Variants in PPIE observed in about 807,000 individuals in gnomAD.
PPIE encodes the protein peptidylprolyl isomerase E.
Under a neutral mutation model 38.4 loss-of-function variants are expected in PPIE, and 20 were observed. The observed-to-expected ratio is 0.52, with a 90% CI of 0.37 to 0.76. The LOEUF is 0.76. PPIE is among the 30% of genes least tolerant of loss of function. The pLI, the probability that PPIE is intolerant of heterozygous loss-of-function variation, is 0.00. For synonymous variants in PPIE, 142 were observed against 135.7 expected (o/e 1.05, Z -0.32); for missense variants, 322 against 385.8 (o/e 0.83, Z 1.39).
At position 39,755,349 on chromosome 1, in the gene PPIE, G is replaced by A. The variant is rs1350810786; in HGVS notation, c.*1994G>A. The stretch of plus-strand genomic sequence containing the variant: ...TCTTGCTGAGGGATGGTGGCATTCT[G>A]CCCTACCTCTGGCTCCCATGTGCCG... On this transcript the variant is annotated 3_prime_UTR_variant, in exon 10 of 10. Transcript: ENST00000324379. 1 of 985,340 alleles carries A rather than the reference G, an allele frequency of 1.0e-6. No individual in the cohort carries two copies. The highest frequency in any genetic ancestry group is 1.2e-6 in the Non-Finnish European group (1 of 829,934). 61.0% of individuals were successfully genotyped at this position (985,340 alleles called of 1,614,324 possible). A position where few individuals can be genotyped will look rare whatever the true frequency, so the allele number is the denominator to read the frequency against.
chr1:39,757,710 C>T (rs1438663990), downstream of PPIE: 1 of 152,228 alleles, frequency 6.6e-6, no homozygotes, highest in African/African-American at 2.4e-5. Context: ...ATGCCCTGAG[C>T]AAAGAAAAGG....
At chr1:39,762,564 C>CA in intron 9 of PPIE, 1 of 1,550,352 alleles carries the variant, frequency 6.5e-7, no homozygotes, top group Non-Finnish European at 8.7e-7. Flanking sequence ...CCAGAAAAAA[C>CA]AAAGATGGCC....
At chr1:39,742,498 T>C (rs1267787993) in intron 4 of PPIE, 1 of 115,822 alleles carries the variant, frequency 8.6e-6, no homozygotes, top group Non-Finnish European at 2.1e-5. Flanking sequence ...TTCTTTTTTT[T>C]TTTTTTTTTT....
chr1:39,760,215 G>A, downstream of PPIE: 1 of 891,100 alleles, frequency 1.1e-6, no homozygotes, highest in Non-Finnish European at 1.7e-6. Context: ...ACCTGGGCTG[G>A]AAACAGGACA....
At chr1:39,746,673 C>G (rs1307453083) in intron 7 of PPIE, 1 of 152,234 alleles carries the variant, frequency 6.6e-6, no homozygotes, top group Non-Finnish European at 1.5e-5. Context: ...CCAGGATTAC[C>G]TGCACCCTTT....
intron 9 of PPIE, chr1:39,763,110 G>A (rs199782600): frequency 5.5e-5 from 89 of 1,614,012 alleles, no homozygotes; most frequent in East Asian, 3.8e-4. Context: ...GCAGGATGGC[G>A]TGGTTGGTGG....
chr1:39,762,309 C>T (rs1449472762), intron 9 of PPIE: 89 of 530,788 alleles, frequency 1.7e-4, no homozygotes, highest in Non-Finnish European at 8.4e-5. Context: ...TCGTGTGCTG[C>T]GATTACAGGG....
chr1:39,752,729 C>T (rs1002513110), intron 8 of PPIE, among the ~76,000 whole-genome samples, 181 bp from the exon 9 acceptor site: 1 of 152,234 alleles, frequency 6.6e-6, no homozygotes, highest in Admixed American at 6.5e-5. Flanking sequence ...GATTGAAACA[C>T]CTCACTTACC....
At chr1:39,760,442 C>A (rs748163319), downstream of PPIE, 4 of 1,614,088 alleles carry the variant, frequency 2.5e-6, no homozygotes, top group Admixed American at 5.0e-5. Flanking sequence ...CAGGCCTTGA[C>A]CACCATGTTG....
In PPIE at chr1:39,743,825, T is replaced by C. The variant is rs1647123444; in HGVS notation, c.285T>C (p.Val95=). ...ATTTGTTTGATTCTTTCCTTTCAGT[T>C]TGGTCAGATGATGACTGGTTGAAGA... ...MRIKEGSSRP[V]WSDDDWLKKF... Residue 95 remains valine (V), a splice_region_variant and synonymous_variant, in exon 6 of 10, where the codon GTT becomes GTC. Coordinates refer to ENST00000324379, the MANE Select transcript of PPIE (RefSeq NM_006112.4). 1.9e-6 allele frequency: 3 copies of C among 1,611,032 alleles called. No individual in the cohort carries two copies. Among genetic ancestry groups the C allele is most frequent in the Non-Finnish European group, 2.5e-6 (3 of 1,177,602 alleles).
Position 39,756,687 on chromosome 1 carries a change from GT to G in PPIE, c.*3333del. ...TATAGTACAGTGTGATCCCAATTTTGTAAAAATATCTGTAATATGTAAGCAT... is the reference window on the plus strand; with the variant it reads ...TATAGTACAGTGTGATCCCAATTTTGAAAAATATCTGTAATATGTAAGCAT... On this transcript the variant is annotated 3_prime_UTR_variant, in exon 10 of 10. Transcript: ENST00000324379. 1.2e-6 allele frequency: 1 copy of G among 860,462 alleles called. No homozygotes were observed. The highest frequency in any genetic ancestry group is 1.8e-5 in the African/African-American group (1 of 54,802). 53.3% of individuals were successfully genotyped at this position (860,462 alleles called of 1,614,324 possible). A position where few individuals can be genotyped will look rare whatever the true frequency, so the allele number is the denominator to read the frequency against.
chr1:39,749,566 T>C (rs984498311), intron 8 of PPIE, among the ~76,000 whole-genome samples: 1 of 152,172 alleles, frequency 6.6e-6, no homozygotes, highest in East Asian at 1.9e-4. Flanking sequence ...TCCATGCCCG[T>C]CTTCACTTCT....
intron 6 of PPIE, 106 bp from the exon 7 acceptor site, chr1:39,745,269 C>G (rs1484993581): frequency 5.1e-5 from 76 of 1,479,916 alleles, no homozygotes; most frequent in Admixed American, 7.2e-5. Context: ...GCACTTGCTC[C>G]AGCCTACGCA....
In PPIE at chr1:39,753,760, C is replaced by T; in HGVS notation, c.*405C>T. 2.0e-6 allele frequency: 2 copies of T among 1,011,406 alleles called. No homozygotes were observed. Among genetic ancestry groups the T allele is most frequent in the South Asian group, 4.3e-5 (1 of 23,486 alleles). 62.7% of individuals were successfully genotyped at this position (1,011,406 alleles called of 1,614,324 possible). ...AGATTGTGTCTGTGGCTAAGCTGGA[C>T]CTCTGAGGCAGGCTGGTGAGTGGGG... On this transcript the variant is annotated 3_prime_UTR_variant, in exon 10 of 10. Transcript: ENST00000324379.
chr1:39,760,421 A>T (rs945156683), downstream of PPIE: 3 of 1,613,600 alleles, frequency 1.9e-6, no homozygotes, highest in African/African-American at 4.0e-5. Context: ...GGGTGGACTC[A>T]GTGGCAGCCG....
In PPIE at chr1:39,755,636, C is replaced by T. The variant is rs1648184887; in HGVS notation, c.*2281C>T. On this transcript the variant is annotated 3_prime_UTR_variant, in exon 10 of 10. Transcript: ENST00000324379. ...GAGAGAGTGTGTAGAAAAAGCACAG[C>T]CAGCCTCCCATAAAAGGACAGACTC... 5 of 985,250 alleles carry T rather than the reference C, an allele frequency of 5.1e-6. No homozygotes were observed. The highest frequency in any genetic ancestry group is 1.7e-5 in the African/African-American group (1 of 57,206). 61.0% of individuals were successfully genotyped at this position (985,250 alleles called of 1,614,324 possible). A position where few individuals can be genotyped will look rare whatever the true frequency, so the allele number is the denominator to read the frequency against.
downstream of PPIE, chr1:39,758,611 A>T (rs1365821481): frequency 6.6e-6 from 1 of 152,244 alleles, no homozygotes; most frequent in African/African-American, 2.4e-5. Flanking sequence ...CTGGCTCACT[A>T]TGAGGAGTTG....
At chr1:39,743,762 C>T (rs561413931) in intron 5 of PPIE, 62 bp from the exon 6 acceptor site, 137 of 1,373,864 alleles carry the variant, frequency 1.0e-4, no homozygotes, top group Non-Finnish European at 1.3e-4. Context: ...CTGACCAAAG[C>T]AGCTACTTTT....
At chr1:39,749,877 T>G (rs1647530600) in intron 8 of PPIE, among the ~76,000 whole-genome samples, 1 of 152,228 alleles carries the variant, frequency 6.6e-6, no homozygotes, top group African/African-American at 2.4e-5. Context: ...CTTAGTCCTG[T>G]AATCCCAGCA....
Sources: gnomAD v4.1 joint callset for allele counts (sites outside exome capture counted in the v4.1 genomes callset) on GRCh38, gnomAD v4.1.1 for gene constraint, MANE v1.5 for transcripts, NCBI Gene and HGNC (gene_info 2026-07-23, HGNC 2026-07-21) for gene names.